Variants in PRH1 observed in about 807,000 individuals in gnomAD.
PRH1 encodes the protein salivary acidic proline-rich phosphoprotein 1/2.
PRH1 carries 7 observed loss-of-function variants against 7.9 expected under a neutral mutation model. The observed-to-expected ratio is 0.89, with a 90% CI of 0.50 to 1.67. The LOEUF (loss-of-function observed/expected upper bound fraction) is 1.67. PRH1 is among the 40% of genes most tolerant of loss of function. The pLI, the probability that PRH1 is intolerant of heterozygous loss-of-function variation, is 0.00. For missense variants in PRH1, 109 were observed against 223.6 expected (o/e 0.49, Z 3.27); for synonymous variants, 45 against 80.8 (o/e 0.56, Z 2.38).
chr12:10,885,625 C>T (rs934632279), upstream of PRH1, among the ~76,000 whole-genome samples: 3 of 152,236 alleles, frequency 2.0e-5, no homozygotes, highest in African/African-American at 7.2e-5. Context: ...TTGTCGCTCT[C>T]TCCTCAGCTG....
At chr12:10,907,876 TA>T (rs1949828833) in intron 2 of PRH1, 2 of 152,438 alleles carry the variant, frequency 1.3e-5, no homozygotes, top group Non-Finnish European at 2.9e-5. Context: ...TTACTCATAT[TA>T]AACTTTTTAA....
intron 1 of PRH1, chr12:11,133,363 C>CA: frequency 6.2e-7 from 1 of 1,613,782 alleles, no homozygotes; most frequent in Non-Finnish European, 8.5e-7. Context: ...TCACATGCCG[C>CA]AAAACTGAAA....
At chr12:11,067,945 T>C (rs1943897550) in intron 1 of PRH1, among the ~76,000 whole-genome samples, 1 of 152,204 alleles carries the variant, frequency 6.6e-6, no homozygotes, top group Non-Finnish European at 1.5e-5. Flanking sequence ...GCAAATACTC[T>C]AATAACAATG....
At chr12:11,090,136 G>T (rs1944830378) in intron 1 of PRH1, among the ~76,000 whole-genome samples, 1 of 115,536 alleles carries the variant, frequency 8.7e-6, no homozygotes, top group African/African-American at 2.9e-5. Context: ...TCTTATAATA[G>T]AACTTCCTAT....
chr12:10,930,292 T>C (rs1130411), intron 2 of PRH1: 1 of 1,613,334 alleles, frequency 6.2e-7, no homozygotes. Context: ...AGACGTTCCC[T>C]TGGTAATATC....
intron 1 of PRH1, among the ~76,000 whole-genome samples, chr12:11,066,891 A>C (rs1943844465): frequency 1.3e-5 from 2 of 151,608 alleles, no homozygotes; most frequent in African/African-American, 4.8e-5. Context: ...TTTTTCTTTT[A>C]CTACATTTTA....
intron 2 of PRH1, among the ~76,000 whole-genome samples, chr12:10,927,390 A>T (rs1297908037): frequency 6.6e-6 from 1 of 152,156 alleles, no homozygotes; most frequent in African/African-American, 2.4e-5. Flanking sequence ...AAATAATCCC[A>T]GTAACCCACT....
intron 1 of PRH1, among the ~76,000 whole-genome samples, chr12:11,033,916 G>C (rs549532462): frequency 5.9e-5 from 9 of 152,228 alleles, no homozygotes; most frequent in Admixed American, 5.9e-4. Context: ...TGCAGGGCAA[G>C]ACAAGGAACA....
intron 1 of PRH1, among the ~76,000 whole-genome samples, chr12:11,105,654 C>G (rs2708358): frequency 6.6e-6 from 1 of 151,936 alleles, no homozygotes; most frequent in Non-Finnish European, 1.5e-5. Flanking sequence ...TCTGCACTTA[C>G]TTCTTTGTTT....
intron 2 of PRH1, among the ~76,000 whole-genome samples, chr12:10,894,138 C>T (rs1279841484): frequency 6.6e-6 from 1 of 151,996 alleles, no homozygotes; most frequent in Non-Finnish European, 1.5e-5. Flanking sequence ...CCTGGTAACT[C>T]TACACTAGAT....
At chr12:11,021,318 G>T (rs1941614908) in intron 1 of PRH1, among the ~76,000 whole-genome samples, 1 of 152,054 alleles carries the variant, frequency 6.6e-6, no homozygotes, top group South Asian at 2.1e-4. Context: ...ATGGAAAAGA[G>T]AAATGATTTC....
upstream of PRH1, among the ~76,000 whole-genome samples, chr12:10,888,127 C>A (rs1430511929): frequency 1.3e-5 from 2 of 152,156 alleles, no homozygotes; most frequent in Non-Finnish European, 2.9e-5. Flanking sequence ...CCACTTGAGC[C>A]TCCCATCACA....
At chr12:11,061,332 T>C (rs1442729719) in intron 1 of PRH1, 2 of 1,582,644 alleles carry the variant, frequency 1.3e-6, no homozygotes, top group African/African-American at 2.7e-5. Context: ...GTTTGTTTTC[T>C]GCTAGAAGAT....
intron 1 of PRH1, among the ~76,000 whole-genome samples, chr12:11,108,045 G>A (rs2600338): frequency 0.46 from 69,215 of 151,940 alleles, 16,570 homozygotes; most frequent in Non-Finnish European, 0.53. Context: ...AGTGCTGAAG[G>A]AAGAAAACTT....
At chr12:10,991,523 G>T (rs12311635) in intron 1 of PRH1, among the ~76,000 whole-genome samples, 46,277 of 151,654 alleles carry the variant, frequency 0.31, 8,899 homozygotes, top group East Asian at 0.74. Flanking sequence ...TTAGTATTGT[G>T]ACTTTTAAAT....
intron 1 of PRH1, among the ~76,000 whole-genome samples, chr12:11,090,889 G>C (rs1944859063): frequency 9.0e-6 from 1 of 111,434 alleles, no homozygotes; most frequent in African/African-American, 3.0e-5. Context: ...ATAGAAAAGA[G>C]CAATATTTTT....
At chr12:10,911,224 G>A (rs550512019) in intron 2 of PRH1, among the ~76,000 whole-genome samples, 1 of 152,200 alleles carries the variant, frequency 6.6e-6, no homozygotes, top group South Asian at 2.1e-4. Flanking sequence ...CCCCAAATCT[G>A]TACAAATAGG....
intron 1 of PRH1, among the ~76,000 whole-genome samples, chr12:11,099,998 T>C (rs1945187894): frequency 1.3e-5 from 2 of 152,172 alleles, no homozygotes; most frequent in Non-Finnish European, 1.5e-5. Context: ...ATGATGCAAC[T>C]AAATAAGAAA....
At chr12:11,116,255 G>A (rs1362807868), downstream of PRH1, among the ~76,000 whole-genome samples, 1 of 151,814 alleles carries the variant, frequency 6.6e-6, no homozygotes, top group Non-Finnish European at 1.5e-5. Context: ...ACTACTATGA[G>A]CAACTATATG....
Sources: allele counts gnomAD v4.1 joint callset (sites outside exome capture counted in the v4.1 genomes callset), GRCh38; gene constraint gnomAD v4.1.1; transcripts MANE v1.5; gene names NCBI Gene and HGNC (gene_info 2026-07-23, HGNC 2026-07-21).